Variants in HIKESHI observed in about 807,000 individuals in gnomAD.
HIKESHI encodes the protein heat shock protein nuclear import factor hikeshi.
Under a neutral mutation model 25.7 loss-of-function variants are expected in HIKESHI, and 13 were observed. The ratio of observed to expected loss-of-function variants is 0.51; its 90% CI spans 0.33 to 0.80. HIKESHI has a LOEUF of 0.80. HIKESHI is among the 30% of genes least tolerant of loss of function. The probability of loss-of-function intolerance (pLI) is 0.02; values close to 1 mark genes in which losing one functional copy is unlikely to be tolerated. For synonymous variants in HIKESHI, 76 were observed against 78.7 expected (o/e 0.97, Z 0.18); for missense variants, 174 against 229.5 (o/e 0.76, Z 1.56).
At chr11:86,319,242 A>ATATATATT (rs1383589741) in intron 2 of HIKESHI, among the ~76,000 whole-genome samples, 15 of 94,940 alleles carry the variant, frequency 1.6e-4, no homozygotes, top group South Asian at 4.0e-4. Context: ...ATATATATAT[A>ATATATATT]TTTTTTTTTT....
intron 2 of HIKESHI, among the ~76,000 whole-genome samples, chr11:86,310,890 C>G (rs1381138029): frequency 6.6e-6 from 1 of 152,114 alleles, no homozygotes; most frequent in Admixed American, 6.6e-5. Flanking sequence ...GTTGAACCAG[C>G]CTTGCATCCC....
At chr11:86,327,402 C>A (rs979123192) in intron 2 of HIKESHI, among the ~76,000 whole-genome samples, 1 of 152,036 alleles carries the variant, frequency 6.6e-6, no homozygotes, top group Admixed American at 6.5e-5. Flanking sequence ...GCCAGCTCCG[C>A]CTCCCGGGTT....
chr11:86,328,905 T>G (rs1378205711), intron 2 of HIKESHI, among the ~76,000 whole-genome samples: 3 of 96,634 alleles, frequency 3.1e-5, no homozygotes, highest in African/African-American at 1.2e-4. Context: ...TGTTTTGTGT[T>G]TTGTGTGTGT....
chr11:86,322,442 T>C (rs1263980478), intron 2 of HIKESHI, among the ~76,000 whole-genome samples: 2 of 151,564 alleles, frequency 1.3e-5, no homozygotes, highest in African/African-American at 4.8e-5. Flanking sequence ...TATATGTATA[T>C]GTGTGTGTGT....
intron 2 of HIKESHI, among the ~76,000 whole-genome samples, chr11:86,332,253 C>T (rs528288893): frequency 2.6e-5 from 4 of 152,084 alleles, no homozygotes; most frequent in South Asian, 2.1e-4. Context: ...CGTGAGCCAC[C>T]GTGCCCGGCC....
At chr11:86,311,693 AT>A (rs1385951907) in intron 2 of HIKESHI, among the ~76,000 whole-genome samples, 1 of 152,134 alleles carries the variant, frequency 6.6e-6, no homozygotes, top group Non-Finnish European at 1.5e-5. Flanking sequence ...TCTTGTGGGC[AT>A]TTAGTGCTAT....
intron 1 of HIKESHI, among the ~76,000 whole-genome samples, chr11:86,304,344 C>T (rs1432087785): frequency 2.0e-5 from 3 of 152,086 alleles, no homozygotes; most frequent in Non-Finnish European, 4.4e-5. Flanking sequence ...CTTAGGAAGA[C>T]TAGCCAGCAC....
chr11:86,308,095 ATATAC>A lies in HIKESHI; in HGVS notation c.268+1618_268+1622del, dbSNP rs1189479653. Among the ~76,000 whole-genome samples the A allele has an allele frequency of 4.0e-5, 5 of 126,574 alleles. No homozygotes were observed. In the East Asian group the frequency reaches 8.8e-4, roughly 22 times the overall value. 83.0% of individuals were successfully genotyped at this position (126,574 alleles called of 152,430 possible). A position where few individuals can be genotyped will look rare whatever the true frequency, so the allele number is the denominator to read the frequency against. ...ATATTACGTAAAATATACTATATAA[ATATAC>A]TATATACTATATATACAGTATACTA... On this transcript the variant is annotated intron_variant, in intron 2 of 4. Coordinates refer to ENST00000278483, the MANE Select transcript of HIKESHI (RefSeq NM_016401.4).
chr11:86,328,017 A>T (rs897203422), intron 2 of HIKESHI, among the ~76,000 whole-genome samples: 1 of 152,186 alleles, frequency 6.6e-6, no homozygotes. Context: ...GTACTACATG[A>T]AAAACTAATA....
intron 2 of HIKESHI, 99 bp from the exon 3 acceptor site, chr11:86,337,280 T>C: frequency 8.5e-7 from 1 of 1,176,502 alleles, no homozygotes; most frequent in Non-Finnish European, 1.2e-6. Context: ...ATAAAACTTT[T>C]TCATGTATAT....
At chr11:86,312,644 T>C (rs534814133) in intron 2 of HIKESHI, among the ~76,000 whole-genome samples, 57 of 152,344 alleles carry the variant, frequency 3.7e-4, no homozygotes, top group African/African-American at 1.3e-3. Flanking sequence ...ATGCAGTTTC[T>C]TCCTAGCATT....
intron 2 of HIKESHI, among the ~76,000 whole-genome samples, chr11:86,331,804 A>G (rs1423485235): frequency 6.6e-6 from 1 of 152,160 alleles, no homozygotes; most frequent in Non-Finnish European, 1.5e-5. Context: ...CTAGGTATCA[A>G]TAGAAATGAA....
intron 2 of HIKESHI, among the ~76,000 whole-genome samples, chr11:86,319,242 A>ATATATATATATAT (rs1383589741): frequency 3.2e-5 from 3 of 94,952 alleles, no homozygotes; most frequent in African/African-American, 1.4e-4. Flanking sequence ...ATATATATAT[A>ATATATATATATAT]TTTTTTTTTT....
At chr11:86,335,570 C>T (rs1177033895) in intron 2 of HIKESHI, among the ~76,000 whole-genome samples, 1 of 152,188 alleles carries the variant, frequency 6.6e-6, no homozygotes, top group Admixed American at 6.5e-5. Context: ...GAGTTATAAA[C>T]TGCCTGGCTG....
At chr11:86,338,328 A>T (rs1947624991) in intron 3 of HIKESHI, among the ~76,000 whole-genome samples, 1 of 152,126 alleles carries the variant, frequency 6.6e-6, no homozygotes, top group East Asian at 1.9e-4. Flanking sequence ...GGAAAAATTG[A>T]TGATGTAGGA....
At chr11:86,302,616 G>C in intron 1 of HIKESHI, 138 bp downstream of exon 1, 1 of 935,532 alleles carries the variant, frequency 1.1e-6, no homozygotes, top group African/African-American at 1.7e-5. Flanking sequence ...AGGATGGAGC[G>C]TGGGAAGCTG....
chr11:86,335,135 G>A (rs1372914591), intron 2 of HIKESHI, among the ~76,000 whole-genome samples: 3 of 152,186 alleles, frequency 2.0e-5, no homozygotes, highest in Admixed American at 1.3e-4. Context: ...ACTGATATAG[G>A]GAGCAGGATA....
chr11:86,317,114 C>T (rs1947007928), intron 2 of HIKESHI, among the ~76,000 whole-genome samples: 1 of 151,784 alleles, frequency 6.6e-6, no homozygotes, highest in South Asian at 2.1e-4. Context: ...CATTCTAACA[C>T]AAGGAACCAA....
rs71040229 is a variant in HIKESHI, at chr11:86,316,771, C to CTTTT, written c.268+10326_268+10329dup. Reference sequence around the variant, plus strand: ...TTATGAGTAATGAATCTGAAACATTCTTTTTTTTTTTTTTTTTTTTTTTTT... The same window carrying CTTTT: ...TTATGAGTAATGAATCTGAAACATTCTTTTTTTTTTTTTTTTTTTTTTTTTTTTT... On this transcript the variant is annotated intron_variant, in intron 2 of 4. Transcript: ENST00000278483. Among the ~76,000 whole-genome samples, 200 of 68,770 alleles carry CTTTT rather than the reference C, an allele frequency of 2.9e-3. 32 individuals are homozygous for CTTTT. Among genetic ancestry groups the CTTTT allele is most frequent in the Middle Eastern group, 9.1e-3 (1 of 110 alleles). The allele number at this position is 68,770 out of a possible 152,430, so 45.1% of individuals were successfully genotyped here.
Sources: gnomAD v4.1 joint callset for allele counts (sites outside exome capture counted in the v4.1 genomes callset) on GRCh38, gnomAD v4.1.1 for gene constraint, MANE v1.5 for transcripts, NCBI Gene and HGNC (gene_info 2026-07-23, HGNC 2026-07-21) for gene names.